Variants in RBFOX1 observed in about 807,000 individuals in gnomAD.
RBFOX1 encodes RNA binding protein fox-1 homolog 1.
Under a neutral mutation model 57.7 loss-of-function variants are expected in RBFOX1, and 8 were observed. The observed-to-expected ratio is 0.14, with a 90% CI of 0.08 to 0.25. The LOEUF (loss-of-function observed/expected upper bound fraction) is 0.25. Among genes scored for constraint, RBFOX1 ranks in the 10% least tolerant of loss-of-function variants. The pLI, the probability that RBFOX1 is intolerant of heterozygous loss-of-function variation, is 1.00. For missense variants in RBFOX1, 611 were observed against 548.5 expected (o/e 1.11, Z -1.14); for synonymous variants, 326 against 222.4 (o/e 1.47, Z -4.15).
chr16:6,924,391 C>G (rs148312829), intron 3 of RBFOX1, among the ~76,000 whole-genome samples: 92 of 151,954 alleles, frequency 6.1e-4, no homozygotes, highest in Non-Finnish European at 1.1e-3. Flanking sequence ...GTGCCAGCCT[C>G]CTTTAAACAA....
chr16:5,546,686 G>A (rs537207897), intron 2 of RBFOX1, among the ~76,000 whole-genome samples: 4 of 152,298 alleles, frequency 2.6e-5, no homozygotes, highest in Non-Finnish European at 4.4e-5. Context: ...TCTGTGTGAT[G>A]TTGGTTTAGG....
chr16:5,927,423 A>G (rs934239589), intron 4 of RBFOX1, among the ~76,000 whole-genome samples: 1 of 152,210 alleles, frequency 6.6e-6, no homozygotes, highest in Non-Finnish European at 1.5e-5. Context: ...TCATTACCTT[A>G]GGTATTATCA....
intron 4 of RBFOX1, among the ~76,000 whole-genome samples, chr16:7,465,350 C>T (rs1294254873): frequency 1.3e-5 from 2 of 152,292 alleles, no homozygotes; most frequent in Non-Finnish European, 1.5e-5. Flanking sequence ...AATCTGTAGG[C>T]GCCATAAGGG....
chr16:6,578,574 C>T (rs1337051760), intron 2 of RBFOX1, among the ~76,000 whole-genome samples: 1 of 37,972 alleles, frequency 2.6e-5, no homozygotes, highest in Non-Finnish European at 7.7e-5. Flanking sequence ...ATGGGGATGT[C>T]GGCTATGGGT....
chr16:7,075,473 A>G (rs952984433), intron 4 of RBFOX1, among the ~76,000 whole-genome samples: 2 of 152,258 alleles, frequency 1.3e-5, no homozygotes, highest in African/African-American at 2.4e-5. Flanking sequence ...GAAGTTTTAC[A>G]GAAATATCTA....
intron 4 of RBFOX1, among the ~76,000 whole-genome samples, chr16:7,121,207 G>C (rs1453576357): frequency 6.6e-6 from 1 of 152,032 alleles, no homozygotes; most frequent in Non-Finnish European, 1.5e-5. Context: ...GCAGGAACAA[G>C]GGAGGAGCTC....
At position 6,663,253 on chromosome 16, in the gene RBFOX1, C is replaced by T. The variant is rs138567520; in HGVS notation, c.-16+8603C>T. Among the ~76,000 whole-genome samples the T allele has an allele frequency of 5.3e-5, 8 of 152,270 alleles. No homozygotes were observed. In the South Asian group the frequency reaches 1.5e-3, roughly 28 times the overall value. On this transcript the variant is annotated intron_variant, in intron 3 of 15. Transcript: ENST00000550418. ...GATGGGTGTCATGAATGTCTCCACC[C>T]AGGAACTTGTCACAGACGGCTCAGC...
At chr16:6,953,800 G>T (rs967128180) in intron 3 of RBFOX1, among the ~76,000 whole-genome samples, 3 of 152,068 alleles carry the variant, frequency 2.0e-5, no homozygotes, top group South Asian at 4.1e-4. Flanking sequence ...TTTCAAACTG[G>T]TTTGCAACTG....
At chr16:6,835,720 C>G (rs574522883) in intron 3 of RBFOX1, among the ~76,000 whole-genome samples, 3 of 131,852 alleles carry the variant, frequency 2.3e-5, no homozygotes, top group Non-Finnish European at 4.6e-5. Context: ...AGTCATTGCA[C>G]TCCAGCCTGG....
At chr16:7,486,352 C>T (rs1299864664) in intron 4 of RBFOX1, among the ~76,000 whole-genome samples, 5 of 151,862 alleles carry the variant, frequency 3.3e-5, no homozygotes, top group East Asian at 3.9e-4. Context: ...AGGCTGGTCT[C>T]GAACACCTGA....
intron 2 of RBFOX1, among the ~76,000 whole-genome samples, chr16:6,403,132 G>A (rs1390291141): frequency 6.6e-6 from 1 of 152,182 alleles, no homozygotes; most frequent in Non-Finnish European, 1.5e-5. Flanking sequence ...TTCACTGTGG[G>A]TGCTGAACCA....
chr16:5,531,634 C>A lies in RBFOX1; in HGVS notation c.258+64380C>A, dbSNP rs757811447. On this transcript the variant is annotated intron_variant, in intron 2 of 2. Coordinates refer to the RBFOX1 transcript ENST00000585867. ...CATCTGTGTAATAGGATTAGCAATA[C>A]CCCATGCCTTAAAGCATTGCCATGA... 2.4e-5 allele frequency among the ~76,000 whole-genome samples: 3 copies of A among 123,286 alleles called. No individual in the cohort carries two copies. In the East Asian group the frequency reaches 8.4e-4, roughly 35 times the overall value. The allele number at this position is 123,286 out of a possible 152,430, so 80.9% of individuals were successfully genotyped here. A position where few individuals can be genotyped will look rare whatever the true frequency, so the allele number is the denominator to read the frequency against.
chr16:5,244,276 C>A (rs1338156442), intron 1 of RBFOX1, among the ~76,000 whole-genome samples: 3 of 152,250 alleles, frequency 2.0e-5, no homozygotes, highest in Non-Finnish European at 4.4e-5. Flanking sequence ...ACTCCATCCT[C>A]CATCCCCTCA....
intron 4 of RBFOX1, among the ~76,000 whole-genome samples, chr16:7,361,012 G>A: frequency 6.6e-6 from 1 of 152,176 alleles, no homozygotes; most frequent in East Asian, 1.9e-4. Flanking sequence ...AGAATGAATG[G>A]GAATCAACCC....
chr16:7,443,889 C>G (rs970040508), intron 4 of RBFOX1, among the ~76,000 whole-genome samples: 11 of 152,126 alleles, frequency 7.2e-5, no homozygotes, highest in Non-Finnish European at 1.5e-4. Flanking sequence ...TCTGAACTTC[C>G]TACAATAGGG....
chr16:7,377,348 G>A lies in RBFOX1; in HGVS notation c.28-140799G>A, dbSNP rs1056230751. Among the ~76,000 whole-genome samples the A allele has an allele frequency of 2.6e-5, 4 of 152,118 alleles. No individual in the cohort carries two copies. The South Asian group carries it at 6.2e-4, about 24-fold the overall frequency. On this transcript the variant is annotated intron_variant, in intron 4 of 15. Transcript: ENST00000550418. ...CATGTATTTATGTGCTGAACCAATC[G>A]GAAGACATCTCATTCAGAAGAACCA...
At chr16:6,804,444 A>G (rs112734621) in intron 3 of RBFOX1, among the ~76,000 whole-genome samples, 92 of 152,288 alleles carry the variant, frequency 6.0e-4, no homozygotes, top group African/African-American at 1.9e-3. Context: ...CTGACTGAAG[A>G]TTTGACTGGA....
intron 2 of RBFOX1, among the ~76,000 whole-genome samples, chr16:6,361,731 A>G (rs369539730): frequency 3.0e-4 from 46 of 152,092 alleles, no homozygotes; most frequent in Non-Finnish European, 7.4e-5. Context: ...TACCAATTGA[A>G]TCAGAATGTC....
At chr16:6,305,176 C>T (rs560909241) in intron 1 of RBFOX1, among the ~76,000 whole-genome samples, 1 of 152,194 alleles carries the variant, frequency 6.6e-6, no homozygotes, top group African/African-American at 2.4e-5. Flanking sequence ...GTGATGTCTA[C>T]TTGGGATGGA....
Sources: allele counts gnomAD v4.1 joint callset (sites outside exome capture counted in the v4.1 genomes callset), GRCh38; gene constraint gnomAD v4.1.1; transcripts MANE v1.5; gene names NCBI Gene and HGNC (gene_info 2026-07-23, HGNC 2026-07-21).